Variants in PEAK1 observed in about 807,000 individuals in gnomAD.
PEAK1 encodes pseudopodium enriched atypical kinase 1, also known as inactive tyrosine-protein kinase PEAK1.
In PEAK1, 54 loss-of-function variants were observed where a neutral mutation model predicts 124.7. The observed-to-expected ratio is 0.43, with a 90% confidence interval of 0.35 to 0.54. The LOEUF (loss-of-function observed/expected upper bound fraction) is 0.54, where lower values mean the gene tolerates loss of function less well. Ranked by LOEUF, PEAK1 falls within the 20% of genes least tolerant of loss-of-function variation. The pLI is 0.01. For synonymous variants in PEAK1, 719 were observed against 760.0 expected, an observed-to-expected ratio of 0.95 and a Z score of 0.89; for missense variants, 2,046 against 2,134.5, an observed-to-expected ratio of 0.96 and a Z score of 0.82.
Position 77,180,693 on chromosome 15 carries a change from T to C in PEAK1, c.1234A>G (p.Thr412Ala), listed in dbSNP as rs1311555022. Residue 412 changes from threonine to alanine, a missense_variant, in exon 7 of 10, where the codon ACC (threonine) becomes GCC (alanine). Thr to Ala is a moderately conservative substitution (Grantham distance 58). Coordinates refer to ENST00000682557, the MANE Select transcript of PEAK1 (RefSeq NM_001385026.1). ...ASKSSIKVPETHKAVLALRLE... is the reference protein window; with the variant it reads ...ASKSSIKVPEAHKAVLALRLE... Reference sequence around the variant, plus strand: ...CGGAGAGCAAGGACTGCTTTGTGGGTCTCTGGAACTTTTATTGAGCTTTTG... The same window carrying C: ...CGGAGAGCAAGGACTGCTTTGTGGGCCTCTGGAACTTTTATTGAGCTTTTG... The C allele has an allele frequency of 6.2e-7, 1 of 1,613,992 alleles. No individual in the cohort carries two copies. Among genetic ancestry groups the C allele is most frequent in the Non-Finnish European group, 8.5e-7 (1 of 1,179,984 alleles).
rs144889710 is a variant in PEAK1 at position 77,200,542 on chromosome 15, T to C, written c.-114-18502A>G. On this transcript the variant is annotated intron_variant, in intron 6 of 9. Coordinates refer to ENST00000682557, the MANE Select transcript of PEAK1 (RefSeq NM_001385026.1). ...TTTTACAAGATGCCCAGGTACTTTA[T>C]AAACATATTAAAGTTTAAGAAGCAC... Among the ~76,000 whole-genome samples, 313 of 152,314 alleles carry C rather than the reference T, an allele frequency of 2.1e-3. 2 individuals carry two copies. The highest frequency in any genetic ancestry group is 1.0e-4 in the Non-Finnish European group (7 of 68,034).
chr15:77,379,601 A>G (rs576615399), intron 1 of PEAK1, among the ~76,000 whole-genome samples: 20 of 152,278 alleles, frequency 1.3e-4, no homozygotes, highest in African/African-American at 4.8e-4. Flanking sequence ...CAAATATTCT[A>G]GAAGTGTATA....
intron 6 of PEAK1, among the ~76,000 whole-genome samples, chr15:77,251,649 G>A (rs925571500): frequency 2.0e-5 from 3 of 152,066 alleles, no homozygotes; most frequent in African/African-American, 4.8e-5. Context: ...GGTAGGAGGC[G>A]GGACTTTACT....
At chr15:77,264,038 T>C (rs1341421767) in intron 5 of PEAK1, among the ~76,000 whole-genome samples, 1 of 152,134 alleles carries the variant, frequency 6.6e-6, no homozygotes, top group Non-Finnish European at 1.5e-5. Context: ...GAAAAGGCCT[T>C]TGACAAAATT....
downstream of PEAK1, chr15:77,107,498 T>G (rs1046645410): frequency 6.6e-6 from 1 of 152,268 alleles, no homozygotes; most frequent in African/African-American, 2.4e-5. Context: ...GTGTCCACTG[T>G]AAAGGGTTTG....
At chr15:77,210,901 A>G (rs2058874286) in intron 6 of PEAK1, among the ~76,000 whole-genome samples, 1 of 152,164 alleles carries the variant, frequency 6.6e-6, no homozygotes, top group African/African-American at 2.4e-5. Context: ...AAAAACAAAA[A>G]CAAAATTCAC....
chr15:77,240,308 T>A (rs1050853885), intron 6 of PEAK1, among the ~76,000 whole-genome samples: 1 of 152,222 alleles, frequency 6.6e-6, no homozygotes, highest in Non-Finnish European at 1.5e-5. Context: ...AAAAATTATT[T>A]TCTCTTGTTT....
intron 2 of PEAK1, among the ~76,000 whole-genome samples, chr15:77,306,045 G>A (rs2064084202): frequency 6.6e-6 from 1 of 152,108 alleles, no homozygotes; most frequent in Non-Finnish European, 1.5e-5. Context: ...GAACATGAAA[G>A]GTACTTAGAC....
intron 8 of PEAK1, among the ~76,000 whole-genome samples, chr15:77,148,752 A>C (rs1407252163): frequency 6.6e-6 from 1 of 151,322 alleles, no homozygotes; most frequent in Admixed American, 6.6e-5. Context: ...CTCTATCTCT[A>C]CAAAAAAAAA....
chr15:77,151,582 A>G (rs926662801), intron 8 of PEAK1, among the ~76,000 whole-genome samples: 12 of 152,006 alleles, frequency 7.9e-5, no homozygotes, highest in Admixed American at 3.3e-4. Flanking sequence ...TGAAGTCCTT[A>G]CCCATGCCTA....
intron 6 of PEAK1, among the ~76,000 whole-genome samples, chr15:77,215,791 T>A (rs184722824): frequency 6.6e-6 from 1 of 152,324 alleles, no homozygotes; most frequent in East Asian, 1.9e-4. Flanking sequence ...ACCTAGCCAA[T>A]GATCTTTTAA....
intron 7 of PEAK1, among the ~76,000 whole-genome samples, chr15:77,176,277 GA>G (rs71211213): frequency 0.11 from 11,755 of 103,222 alleles, 530 homozygotes; most frequent in Non-Finnish European, 0.14. Flanking sequence ...AAAAAGAAAA[GA>G]AAAAAAAAAA....
At chr15:77,240,269 T>A (rs1054294953) in intron 6 of PEAK1, among the ~76,000 whole-genome samples, 1 of 152,216 alleles carries the variant, frequency 6.6e-6, no homozygotes, top group African/African-American at 2.4e-5. Context: ...CAAATACAAC[T>A]ATAATACTTC....
intron 1 of PEAK1, among the ~76,000 whole-genome samples, chr15:77,407,177 A>C (rs1363603348): frequency 6.6e-6 from 1 of 152,236 alleles, no homozygotes; most frequent in Admixed American, 6.5e-5. Flanking sequence ...CTAAAAGATA[A>C]CATCGGAAAA....
chr15:77,138,328 G>A (rs1419184160), intron 8 of PEAK1, among the ~76,000 whole-genome samples: 6 of 152,154 alleles, frequency 3.9e-5, no homozygotes, highest in African/African-American at 1.4e-4. Flanking sequence ...GTGAGTCACC[G>A]AGTGAGTGGT....
chr15:77,321,218 C>G (rs551029281), intron 2 of PEAK1, among the ~76,000 whole-genome samples: 3,674 of 152,278 alleles, frequency 0.024, 140 homozygotes, highest in African/African-American at 0.083. Flanking sequence ...AGTTCTAGAG[C>G]CCTGAGGCAT....
In PEAK1 at chr15:77,133,447, A is replaced by G. The variant is rs773269546; in HGVS notation, c.3635T>C (p.Ile1212Thr). 6 of 1,614,100 alleles carry G rather than the reference A, an allele frequency of 3.7e-6. No individual in the cohort carries two copies. In the South Asian group the frequency reaches 5.5e-5, roughly 15 times the overall value. The change falls in exon 9 of 10, where the codon ATT becomes ACT. Residue 1212 changes from isoleucine (I) to threonine (T), a missense_variant. By Grantham distance (89) the Ile-to-Thr change is moderately conservative (BLOSUM62 -1). Coordinates refer to ENST00000682557, the MANE Select transcript of PEAK1 (RefSeq NM_001385026.1). This position sits in a 1 kb window ranked among gnomAD's most constrained non-coding sequence, Gnocchi z 4.2. ...CCTTTCCAAGGAGTCATAAGACTCA[A>G]TGTCCAGTCCTTTGAGTTCATAGCT... ...SISYELKGLDIESYDSLERPL... is the reference protein window; with the variant it reads ...SISYELKGLDTESYDSLERPL...
intron 1 of PEAK1, chr15:77,371,093 TTC>T: frequency 1.1e-6 from 1 of 945,168 alleles, no homozygotes; most frequent in Non-Finnish European, 1.3e-6. Context: ...CAAATATAAA[TTC>T]TGTGACTTTA....
chr15:77,380,654 C>G (rs1376058910), intron 1 of PEAK1, among the ~76,000 whole-genome samples: 2 of 151,998 alleles, frequency 1.3e-5, no homozygotes, highest in South Asian at 2.1e-4. Context: ...AATTTTTGTA[C>G]TTAGTGTAGA....
Sources: gnomAD v4.1 joint callset for allele counts (sites outside exome capture counted in the v4.1 genomes callset) on GRCh38, gnomAD v4.1.1 for gene constraint, Gnocchi (gnomAD v3.1) non-coding constraint, MANE v1.5 for transcripts, NCBI Gene and HGNC (gene_info 2026-07-23, HGNC 2026-07-21) for gene names.